FAM228B: variants seen among roughly 807,000 people sequenced by gnomAD.
The protein encoded by FAM228B is protein FAM228B.
Under a neutral mutation model 42.6 loss-of-function variants are expected in FAM228B, and 38 were observed. The observed-to-expected ratio is 0.89, with a 90% CI of 0.69 to 1.17. The LOEUF (loss-of-function observed/expected upper bound fraction) is 1.17, where lower values mean the gene tolerates loss of function less well. Among genes scored for constraint, FAM228B ranks in the 50% most tolerant of loss-of-function variants. The pLI is 0.00. For missense variants in FAM228B, 344 were observed against 367.3 expected (o/e 0.94, Z 0.52); for synonymous variants, 109 against 122.3 (o/e 0.89, Z 0.72).
intron 2 of FAM228B, among the ~76,000 whole-genome samples, chr2:24,127,289 A>G (rs545070374): frequency 2.4e-3 from 359 of 152,318 alleles, no homozygotes; most frequent in Non-Finnish European, 3.8e-3. Context: ...ATTCCTTTTG[A>G]TGACCAAATA....
intron 2 of FAM228B, chr2:24,087,250 T>C (rs1486278170): frequency 6.6e-6 from 1 of 152,192 alleles, no homozygotes; most frequent in Admixed American, 6.5e-5. Flanking sequence ...TCTTTCTTTC[T>C]TTTGTTTTTA....
intron 3 of FAM228B, chr2:24,115,294 T>G: frequency 2.6e-6 from 1 of 387,480 alleles, no homozygotes; most frequent in Admixed American, 3.8e-5. Context: ...GCAAGGTGTG[T>G]AGGAGTACAA....
intron 2 of FAM228B, among the ~76,000 whole-genome samples, chr2:24,086,046 T>C (rs1481469771): frequency 6.6e-6 from 1 of 151,866 alleles, no homozygotes; most frequent in Non-Finnish European, 1.5e-5. Flanking sequence ...CCATCCTGGC[T>C]AACACGGTGA....
chr2:24,109,999 C>T (rs1388962439), intron 3 of FAM228B, among the ~76,000 whole-genome samples: 1 of 152,116 alleles, frequency 6.6e-6, no homozygotes. Context: ...TCCACTGCAG[C>T]CTATTCACAA....
chr2:24,113,745 T>A (rs1253203942), intron 3 of FAM228B, among the ~76,000 whole-genome samples: 1 of 151,962 alleles, frequency 6.6e-6, no homozygotes, highest in Non-Finnish European at 1.5e-5. Flanking sequence ...GGTGTAGTAG[T>A]GGGTGCCTGT....
intron 2 of FAM228B, among the ~76,000 whole-genome samples, chr2:24,081,514 A>G (rs1665001239): frequency 1.3e-5 from 2 of 152,120 alleles, no homozygotes. Context: ...CTAAGATGGC[A>G]CTTGCATTAT....
intron 9 of FAM228B, chr2:24,165,462 C>G (rs936214423): frequency 2.8e-5 from 13 of 471,082 alleles, no homozygotes; most frequent in African/African-American, 2.6e-4. Flanking sequence ...CCTACGTGAT[C>G]TCCAAGGATC....
At position 24,084,367 on chromosome 2, in the gene FAM228B, AGGGC is replaced by A. The variant is rs747419768; in HGVS notation, c.-210+3413_-210+3416del. On this transcript the variant is annotated intron_variant, in intron 2 of 10. Transcript: ENST00000613899. This position sits in a 1 kb window ranked among gnomAD's most constrained non-coding sequence, Gnocchi z 8.4. The stretch of plus-strand genomic sequence containing the variant: ...AGGGCAGGGCAGGGCAGGACAGGAC[AGGGC>A]AGGGCAGGGCAGGACAGGACAGGGC... The A allele has an allele frequency of 2.6e-6, 4 of 1,568,210 alleles. No homozygotes were observed. The African/African-American group carries it at 5.4e-5, about 21-fold the overall frequency.
At chr2:24,106,587 T>C (rs1399839857) in intron 3 of FAM228B, among the ~76,000 whole-genome samples, 1 of 152,130 alleles carries the variant, frequency 6.6e-6, no homozygotes, top group Non-Finnish European at 1.5e-5. Flanking sequence ...CCCAAAGTGC[T>C]GGGATTACAG....
intron 3 of FAM228B, among the ~76,000 whole-genome samples, chr2:24,111,210 G>A (rs1665789050): frequency 6.6e-6 from 1 of 152,100 alleles, no homozygotes; most frequent in South Asian, 2.1e-4. Context: ...ACAGGGGTGT[G>A]CCACCATGCC....
intron 2 of FAM228B, among the ~76,000 whole-genome samples, chr2:24,089,080 G>A (rs1162323862): frequency 6.6e-6 from 1 of 152,200 alleles, no homozygotes; most frequent in Non-Finnish European, 1.5e-5. Context: ...TGGGTGCTGT[G>A]GCTCATACCT....
Position 24,080,767 on chromosome 2 carries a change from T to C in FAM228B, c.-289-109T>C. Reference sequence around the variant, plus strand: ...TGGCAACTTTGAGACTGGTGGGGCTTTTATTTAATCATCTCTTAAATTCCT... The same window carrying C: ...TGGCAACTTTGAGACTGGTGGGGCTCTTATTTAATCATCTCTTAAATTCCT... On this transcript the variant is annotated intron_variant, in intron 1 of 10. Coordinates refer to the FAM228B transcript ENST00000613899. This position sits in a 1 kb window ranked among gnomAD's most constrained non-coding sequence, Gnocchi z 4.7. 6.2e-7 allele frequency: 1 copy of C among 1,607,246 alleles called. No homozygotes were observed. The highest frequency in any genetic ancestry group is 2.2e-5 in the East Asian group (1 of 44,822).
In FAM228B at chr2:24,139,575, A is replaced by G. The variant is rs527339035; in HGVS notation, c.441+125A>G. 9 of 469,302 alleles carry G rather than the reference A, an allele frequency of 1.9e-5. No individual in the cohort carries two copies. In the South Asian group the frequency reaches 4.5e-4, roughly 23 times the overall value. 29.1% of individuals were successfully genotyped at this position (469,302 alleles called of 1,614,324 possible). A position where few individuals can be genotyped will look rare whatever the true frequency, so the allele number is the denominator to read the frequency against. On this transcript the variant is annotated intron_variant, in intron 5 of 10. Transcript: ENST00000615575. ...AGTAACATTTTAAGCATAGTTTCCC[A>G]TCGCCTGATCTTAGAAAGGAACAAA...
chr2:24,082,807 G>A, intron 2 of FAM228B: 1 of 1,491,430 alleles, frequency 6.7e-7, no homozygotes, highest in Non-Finnish European at 8.9e-7. Flanking sequence ...TGCCCTGGGG[G>A]ATTGCTGGGA....
Position 24,084,299 on chromosome 2 carries a change from C to A in FAM228B, c.-210+3344C>A, listed in dbSNP as rs1287615047. On this transcript the variant is annotated intron_variant, in intron 2 of 10. Transcript: ENST00000613899. The surrounding 1 kb of genome is among the most constrained non-coding windows in gnomAD (Gnocchi z 8.4). ...TTCACGTAGAGGTTTTCCGGTCCTC[C>A]CGGCTTGTCAAAGTGCACGGCTAAC... 2 of 1,614,086 alleles carry A rather than the reference C, an allele frequency of 1.2e-6. No homozygotes were observed.
chr2:24,144,910 G>A (rs185799767), intron 5 of FAM228B, among the ~76,000 whole-genome samples: 7 of 152,284 alleles, frequency 4.6e-5, no homozygotes, highest in Admixed American at 3.3e-4. Context: ...CACCATTGGC[G>A]AGAGCCCACA....
chr2:24,156,320 T>C (rs1016921953), intron 7 of FAM228B, among the ~76,000 whole-genome samples: 6 of 152,140 alleles, frequency 3.9e-5, no homozygotes, highest in African/African-American at 1.4e-4. Flanking sequence ...GTCATATCCA[T>C]TCCTAAATCT....
In FAM228B at chr2:24,146,915, T is replaced by G; in HGVS notation, c.530-15T>G. 6.5e-7 allele frequency: 1 copy of G among 1,549,294 alleles called. No individual in the cohort carries two copies. Among genetic ancestry groups the G allele is most frequent in the South Asian group, 1.2e-5 (1 of 83,990 alleles). On this transcript the variant is annotated splice_polypyrimidine_tract_variant and intron_variant, in intron 6 of 10. Transcript: ENST00000615575. ...CATTTAAGGATGTTAATTTAGATTT[T>G]TATTCTTCCTTCAGGCAAAATATAT...
intron 7 of FAM228B, among the ~76,000 whole-genome samples, chr2:24,158,867 G>A (rs1667223335): frequency 6.6e-6 from 1 of 152,198 alleles, no homozygotes; most frequent in Admixed American, 6.5e-5. Flanking sequence ...AAACTGAGCA[G>A]CTTGAAATGA....
Sources: gnomAD v4.1 joint callset for allele counts (sites outside exome capture counted in the v4.1 genomes callset) on GRCh38, gnomAD v4.1.1 for gene constraint, Gnocchi (gnomAD v3.1) non-coding constraint, MANE v1.5 for transcripts, NCBI Gene and HGNC (gene_info 2026-07-23, HGNC 2026-07-21) for gene names.